POLN: variants seen among roughly 807,000 people sequenced by gnomAD.
The protein encoded by POLN is DNA polymerase nu.
A neutral mutation model predicts 113.5 loss-of-function variants in POLN; 108 were observed. The observed-to-expected ratio is 0.95, with a 90% CI of 0.81 to 1.12. The LOEUF (loss-of-function observed/expected upper bound fraction) is 1.12. Among genes scored for constraint, POLN ranks in the 50% most tolerant of loss-of-function variants. POLN has a pLI of 0.00. For missense variants in POLN, 1,097 were observed against 1,077.1 expected, an observed-to-expected ratio of 1.02 and a Z score of -0.26; for synonymous variants, 386 against 391.5, an observed-to-expected ratio of 0.99 and a Z score of 0.17.
chr4:2,222,126 T>C (rs1448693681), intron 3 of POLN, among the ~76,000 whole-genome samples: 1 of 152,208 alleles, frequency 6.6e-6, no homozygotes, highest in African/African-American at 2.4e-5. Flanking sequence ...GGTTTCGCCA[T>C]GTTGCCCAAA....
In POLN at chr4:2,073,039, G is replaced by A. The variant is rs369887825; in HGVS notation, c.2456-10C>T. The stretch of plus-strand genomic sequence containing the variant: ...GTCCTCCTGACGAGAGCTAGAGTGC[G>A]GAAGAGAGAGGAGGCCCTGCTGGTC... On this transcript the variant is annotated splice_polypyrimidine_tract_variant and intron_variant, in intron 24 of 25. Transcript: ENST00000511885. 45 of 1,612,758 alleles carry A rather than the reference G, an allele frequency of 2.8e-5. 1 individual carries two copies. Among genetic ancestry groups the A allele is most frequent in the Middle Eastern group, 1.6e-4 (1 of 6,076 alleles).
intron 23 of POLN, among the ~76,000 whole-genome samples, chr4:2,076,067 C>T (rs1730267726): frequency 6.6e-6 from 1 of 152,186 alleles, no homozygotes; most frequent in South Asian, 2.1e-4. Context: ...CCAGCCAAGC[C>T]CCACCCTTCC....
intron 20 of POLN, among the ~76,000 whole-genome samples, chr4:2,094,405 G>T (rs1024367244): frequency 7.1e-6 from 1 of 140,852 alleles, no homozygotes; most frequent in African/African-American, 2.6e-5. Context: ...CAACAAAGTG[G>T]ATCCTTCCCC....
chr4:2,187,496 A>C (rs1479033886), intron 7 of POLN, among the ~76,000 whole-genome samples: 2 of 152,090 alleles, frequency 1.3e-5, no homozygotes, highest in Non-Finnish European at 2.9e-5. Context: ...CACCCGCCTC[A>C]GTCTCCCAAA....
Position 2,159,161 on chromosome 4 carries a change from G to A in POLN, c.1605C>T (p.Tyr535=), listed in dbSNP as rs756175694. 8 of 1,606,014 alleles carry A rather than the reference G, an allele frequency of 5.0e-6. No homozygotes were observed. The South Asian group carries it at 6.6e-5, about 13-fold the overall frequency. Residue 535 remains tyrosine, a synonymous_variant, in exon 14 of 26, where the codon TAC becomes TAT. Transcript: ENST00000511885. ...TACAAAAAAATTAACTTACCTGCCT[G>A]TATTCCAAAATTATCTTGGGTAATG... ...LHPLPKIILE[Y]RQVHKIKSTF...
intron 16 of POLN, among the ~76,000 whole-genome samples, chr4:2,134,144 G>C (rs2108727560): frequency 6.6e-6 from 1 of 152,216 alleles, no homozygotes; most frequent in East Asian, 1.9e-4. Flanking sequence ...ATTTCATTTG[G>C]CAATATGAAT....
Position 2,228,626 on chromosome 4 carries a change from G to A in POLN, c.133+473C>T, listed in dbSNP as rs1407714632. 4.2e-5 allele frequency: 7 copies of A among 167,796 alleles called. 1 individual carries two copies. The South Asian group carries it at 4.9e-4, about 12-fold the overall frequency. The allele number at this position is 167,796 out of a possible 1,614,324, so 10.4% of individuals were successfully genotyped here. ...GCTGGGATTACAGGCGTGAGCCACCGCACCCGGCCCCACTGCTTTTACTAT... is the reference window on the plus strand; with the variant it reads ...GCTGGGATTACAGGCGTGAGCCACCACACCCGGCCCCACTGCTTTTACTAT... On this transcript the variant is annotated intron_variant, in intron 3 of 25. Transcript: ENST00000511885.
chr4:2,103,134 A>G (rs1048969382), intron 19 of POLN, among the ~76,000 whole-genome samples: 1 of 152,190 alleles, frequency 6.6e-6, no homozygotes, highest in African/African-American at 2.4e-5. Context: ...AAGAAGCTCA[A>G]TGAGATGCAA....
intron 7 of POLN, among the ~76,000 whole-genome samples, chr4:2,183,263 C>G (rs1733187422): frequency 6.6e-6 from 1 of 152,222 alleles, no homozygotes; most frequent in African/African-American, 2.4e-5. Flanking sequence ...ATGTTAAATA[C>G]AGAGTACCAC....
At chr4:2,233,268 T>C (rs553286996) in intron 2 of POLN, among the ~76,000 whole-genome samples, 2 of 152,280 alleles carry the variant, frequency 1.3e-5, no homozygotes, top group East Asian at 3.9e-4. Flanking sequence ...GATCATACAG[T>C]TGCTAAAACA....
Position 2,204,106 on chromosome 4 carries a change from T to C in POLN, c.714+3881A>G, listed in dbSNP as rs1435553198. 3.3e-4 allele frequency among the ~76,000 whole-genome samples: 6 copies of C among 18,124 alleles called. No individual in the cohort carries two copies. In the Admixed American group the frequency reaches 3.4e-3, roughly 10 times the overall value. The allele number at this position is 18,124 out of a possible 152,430, so 11.9% of individuals were successfully genotyped here. ...CCTGGGTAACAAGAGCAAAACTCTA[T>C]CACAAAAAAAAAAAAAAAAAAAAAA... On this transcript the variant is annotated intron_variant, in intron 5 of 25. Transcript: ENST00000511885.
rs371552235 is a variant in POLN, at chr4:2,102,728, T to A, written c.1983-6795A>T. On this transcript the variant is annotated intron_variant, in intron 19 of 25. Transcript: ENST00000511885. ...AACCTGAAGAGAGGCCCATCTGGCA[T>A]TTTAGTCCCCACACAACTTTACCAC... is the stretch of plus-strand genomic sequence containing the variant. Among the ~76,000 whole-genome samples, 4 of 152,284 alleles carry A rather than the reference T, an allele frequency of 2.6e-5. No individual in the cohort carries two copies. The East Asian group carries it at 7.7e-4, about 29-fold the overall frequency.
intron 9 of POLN, 58 bp downstream of exon 9, chr4:2,176,208 A>G: frequency 7.1e-7 from 1 of 1,412,160 alleles, no homozygotes; most frequent in East Asian, 2.3e-5. Flanking sequence ...GCGGGTGCCA[A>G]TGAAAAGACA....
chr4:2,143,570 A>G (rs572635420), intron 16 of POLN, among the ~76,000 whole-genome samples: 1 of 152,224 alleles, frequency 6.6e-6, no homozygotes, highest in Non-Finnish European at 1.5e-5. Flanking sequence ...CCCCAAAAAT[A>G]AATATCTAGG....
At position 2,113,859 on chromosome 4, in the gene POLN, AAATAATAATAATAATAAT is replaced by A. The variant is rs150255371; in HGVS notation, c.1982+14236_1982+14253del. On this transcript the variant is annotated intron_variant, in intron 19 of 25. Coordinates refer to ENST00000511885, the MANE Select transcript of POLN (RefSeq NM_181808.4). ...GGTGACAGAGCAAGACTCCATTTCA[AAATAATAATAATAATAAT>A]AATAATAATAATAATAATAATAATA... Among the ~76,000 whole-genome samples the A allele has an allele frequency of 1.1e-4, 15 of 140,028 alleles. No individual in the cohort carries two copies. The East Asian group carries it at 1.4e-3, about 13-fold the overall frequency. The allele number at this position is 140,028 out of a possible 152,430, so 91.9% of individuals were successfully genotyped here.
chr4:2,181,999 C>CA (rs546309359), intron 7 of POLN, among the ~76,000 whole-genome samples: 28,013 of 98,524 alleles, frequency 0.28, 3,945 homozygotes, highest in East Asian at 0.45. Flanking sequence ...GACTCCGTCT[C>CA]AAAAAAAAAA....
intron 6 of POLN, among the ~76,000 whole-genome samples, chr4:2,198,255 C>T (rs1248922457): frequency 6.6e-6 from 1 of 152,162 alleles, no homozygotes; most frequent in Non-Finnish European, 1.5e-5. Context: ...GGGGGTGATG[C>T]TTTTCTCCCT....
At chr4:2,185,607 A>G (rs9990829) in intron 7 of POLN, among the ~76,000 whole-genome samples, 14,251 of 152,078 alleles carry the variant, frequency 0.094, 1,108 homozygotes, top group African/African-American at 0.2. Flanking sequence ...TTAGCCAGGC[A>G]TGGTGGCACG....
At chr4:2,137,451 C>A (rs559049824) in intron 16 of POLN, among the ~76,000 whole-genome samples, 1 of 152,226 alleles carries the variant, frequency 6.6e-6, no homozygotes, top group Non-Finnish European at 1.5e-5. Flanking sequence ...CACAGCAGCA[C>A]ACCTGCTATG....
Sources: gnomAD v4.1 joint callset for allele counts (sites outside exome capture counted in the v4.1 genomes callset) on GRCh38, gnomAD v4.1.1 for gene constraint, MANE v1.5 for transcripts, NCBI Gene and HGNC (gene_info 2026-07-23, HGNC 2026-07-21) for gene names.